Variants in MAPK14 observed in about 807,000 individuals in gnomAD.
The protein encoded by MAPK14 is mitogen-activated protein kinase 14, also known as CSAID-binding protein.
A neutral mutation model predicts 49.6 loss-of-function variants in MAPK14; 16 were observed. That is an observed-to-expected ratio of 0.32 (90% CI 0.22 to 0.49). The LOEUF is 0.49. Among genes scored for constraint, MAPK14 ranks in the 20% least tolerant of loss-of-function variants. The pLI is 0.99. For synonymous variants in MAPK14, 142 were observed against 158.0 expected, an observed-to-expected ratio of 0.90 and a Z score of 0.76; for missense variants, 200 against 441.2, an observed-to-expected ratio of 0.45 and a Z score of 4.90.
At chr6:36,095,486 C>T (rs1025547468) in intron 8 of MAPK14, among the ~76,000 whole-genome samples, 4 of 152,118 alleles carry the variant, frequency 2.6e-5, no homozygotes, top group African/African-American at 9.7e-5. Context: ...ATCACAAGCT[C>T]TTTAGGTCAC....
Position 36,108,750 on chromosome 6 carries a change from C to A in MAPK14, c.*303C>A. ...GGCTCAGGCAGACAAGAGCTGCTGT[C>A]CTTTTAGGAATATGTTCAATGCAAA... On this transcript the variant is annotated 3_prime_UTR_variant, in exon 12 of 12. Transcript: ENST00000229794. 1 of 386,486 alleles carries A rather than the reference C, an allele frequency of 2.6e-6. No homozygotes were observed. Among genetic ancestry groups the A allele is most frequent in the Non-Finnish European group, 4.8e-6 (1 of 207,352 alleles). 23.9% of individuals were successfully genotyped at this position (386,486 alleles called of 1,614,324 possible). A position where few individuals can be genotyped will look rare whatever the true frequency, so the allele number is the denominator to read the frequency against.
Position 36,074,032 on chromosome 6 carries a change from CT to C in MAPK14, c.448-16del, listed in dbSNP as rs753096075. On this transcript the variant is annotated splice_polypyrimidine_tract_variant and intron_variant, in intron 5 of 11. Coordinates refer to ENST00000229794, the MANE Select transcript of MAPK14 (RefSeq NM_139012.3). Reference sequence around the variant, plus strand: ...CATCATAAAGTTGATCCTGTCTTCCCTGTATTTGCTTCCTAGGACCTAAAAC... The same window carrying C: ...CATCATAAAGTTGATCCTGTCTTCCCGTATTTGCTTCCTAGGACCTAAAAC... The C allele has an allele frequency of 6.3e-7, 1 of 1,599,686 alleles. No individual in the cohort carries two copies. Among genetic ancestry groups the C allele is most frequent in the Admixed American group, 1.7e-5 (1 of 59,884 alleles).
rs949109097 is a variant in MAPK14, at chr6:36,028,290, C to T, written c.116+17C>T. On this transcript the variant is annotated intron_variant, in intron 1 of 11. Transcript: ENST00000229794. The surrounding 1 kb of genome is among the most constrained non-coding windows in gnomAD (Gnocchi z 5.1). ...CTCTGTGTGGTGAGTGTCGCTGGGC[C>T]TGGGGCCGCTGTGGGCAGGGTGGCC... is the stretch of plus-strand genomic sequence containing the variant. The T allele has an allele frequency of 6.3e-7, 1 of 1,590,708 alleles. No individual in the cohort carries two copies. The highest frequency in any genetic ancestry group is 8.6e-7 in the Non-Finnish European group (1 of 1,159,358).
At chr6:36,038,000 C>G (rs1029214260) in intron 1 of MAPK14, among the ~76,000 whole-genome samples, 1 of 150,992 alleles carries the variant, frequency 6.6e-6, no homozygotes, top group African/African-American at 2.4e-5. Context: ...AGAGTGATAC[C>G]CTGTCTCCAA....
chr6:36,102,663 A>G lies in MAPK14; in HGVS notation c.841+14A>G. 1 of 1,613,448 alleles carries G rather than the reference A, an allele frequency of 6.2e-7. No homozygotes were observed. Among genetic ancestry groups the G allele is most frequent in the Non-Finnish European group, 8.5e-7 (1 of 1,179,418 alleles). ...CCAATCCCCTGGGTAAGTTGACCATATATCCTCACCTCATGGATATTGAAT... is the reference window on the plus strand; with the variant it reads ...CCAATCCCCTGGGTAAGTTGACCATGTATCCTCACCTCATGGATATTGAAT... On this transcript the variant is annotated intron_variant, in intron 10 of 11. Transcript: ENST00000229794.
Position 36,110,257 on chromosome 6 carries a change from G to A in MAPK14, c.*1810G>A, listed in dbSNP as rs1044529980. 1 of 152,448 alleles carries A rather than the reference G, an allele frequency of 6.6e-6. No individual in the cohort carries two copies. The highest frequency in any genetic ancestry group is 2.4e-5 in the African/African-American group (1 of 41,448). 9.4% of individuals were successfully genotyped at this position (152,448 alleles called of 1,614,324 possible). Reference sequence around the variant, plus strand: ...TGCAGTGATACATGTACTCCAGAGGGACAGGGTGGACCCCCTGAGTCAACT... The same window carrying A: ...TGCAGTGATACATGTACTCCAGAGGAACAGGGTGGACCCCCTGAGTCAACT... On this transcript the variant is annotated 3_prime_UTR_variant, in exon 12 of 12. Coordinates refer to ENST00000229794, the MANE Select transcript of MAPK14 (RefSeq NM_139012.3).
intron 3 of MAPK14, among the ~76,000 whole-genome samples, chr6:36,062,744 G>A (rs978348328): frequency 7.6e-5 from 11 of 144,858 alleles, no homozygotes; most frequent in African/African-American, 2.5e-4. Context: ...TGCAACCTCC[G>A]CCTCCCAGGT....
At chr6:36,038,612 T>C (rs1762839875) in intron 1 of MAPK14, among the ~76,000 whole-genome samples, 1 of 152,170 alleles carries the variant, frequency 6.6e-6, no homozygotes, top group Admixed American at 6.6e-5. Context: ...GTGAATAGGA[T>C]AGAACGGTGG....
At chr6:36,117,166 G>A in the MAPK14 span, among the ~76,000 whole-genome samples, 16 of 152,162 alleles carry the variant, frequency 1.1e-4, no homozygotes, top group African/African-American at 3.9e-4. Flanking sequence ...CAGGCCCCTT[G>A]CCCTCGCTTC....
Position 36,110,314 on chromosome 6 carries a change from G to A in MAPK14, c.*1867G>A, listed in dbSNP as rs61764198. The A allele has an allele frequency of 6.6e-6, 1 of 152,582 alleles. No individual in the cohort carries two copies. The highest frequency in any genetic ancestry group is 1.5e-5 in the Non-Finnish European group (1 of 68,054). 9.5% of individuals were successfully genotyped at this position (152,582 alleles called of 1,614,324 possible). On this transcript the variant is annotated 3_prime_UTR_variant, in exon 12 of 12. Coordinates refer to ENST00000229794, the MANE Select transcript of MAPK14 (RefSeq NM_139012.3). The stretch of plus-strand genomic sequence containing the variant: ...AGAAGGAAGGAGGCAGACTGATGGC[G>A]ATTCCCTCTCACCCGGGACTCTCCC...
rs200421328 is a variant in MAPK14, at chr6:36,052,723, G to A, written c.141G>A (p.Gly47=). 167 of 1,609,848 alleles carry A rather than the reference G, an allele frequency of 1.0e-4. 1 individual carries two copies. The South Asian group carries it at 1.6e-3, about 16-fold the overall frequency. ...SVCAAFDTKT[G]LRVAVKKLSR... is the part of the protein sequence containing the mutation. The stretch of plus-strand genomic sequence containing the variant: ...GTGCTGCTTTTGACACAAAAACGGG[G>A]TTACGTGTGGCAGTGAAGAAGCTCT... Residue 47 remains glycine, a synonymous_variant, in exon 2 of 12, where the codon GGG becomes GGA. Coordinates refer to ENST00000229794, the MANE Select transcript of MAPK14 (RefSeq NM_139012.3).
In MAPK14 at chr6:36,108,812, C is replaced by T. The variant is rs1325952772; in HGVS notation, c.*365C>T. On this transcript the variant is annotated 3_prime_UTR_variant, in exon 12 of 12. Coordinates refer to ENST00000229794, the MANE Select transcript of MAPK14 (RefSeq NM_139012.3). ...TGAATTGTCCCCAATCCCGGTCATGCTTTTGCCACTTTGGCTTCTCCTGTG... is the reference window on the plus strand; with the variant it reads ...TGAATTGTCCCCAATCCCGGTCATGTTTTTGCCACTTTGGCTTCTCCTGTG... 1 of 238,264 alleles carries T rather than the reference C, an allele frequency of 4.2e-6. No homozygotes were observed. The highest frequency in any genetic ancestry group is 5.0e-5 in the South Asian group (1 of 19,892). The allele number at this position is 238,264 out of a possible 1,614,324, so 14.8% of individuals were successfully genotyped here.
intron 3 of MAPK14, among the ~76,000 whole-genome samples, chr6:36,062,976 A>G (rs1221392064): frequency 6.6e-6 from 1 of 152,048 alleles, no homozygotes; most frequent in Non-Finnish European, 1.5e-5. Context: ...GCTTTTAATC[A>G]TGTGATACGT....
chr6:36,070,072 C>G (rs1031162666), intron 3 of MAPK14, among the ~76,000 whole-genome samples: 1 of 152,112 alleles, frequency 6.6e-6, no homozygotes, highest in Non-Finnish European at 1.5e-5. Context: ...AATACAGTAA[C>G]TGTGATTAGG....
intron 3 of MAPK14, among the ~76,000 whole-genome samples, chr6:36,066,006 A>G (rs1764039350): frequency 6.6e-6 from 1 of 152,200 alleles, no homozygotes; most frequent in Non-Finnish European, 1.5e-5. Context: ...TTCAAAAAAC[A>G]GGGTCTTATG....
At chr6:36,115,325 C>A (rs750249829), downstream of MAPK14, among the ~76,000 whole-genome samples, 2 of 152,130 alleles carry the variant, frequency 1.3e-5, no homozygotes, top group Admixed American at 6.5e-5. Context: ...TTAACAAAAA[C>A]CAGTGGTTCT....
intron 1 of MAPK14, among the ~76,000 whole-genome samples, chr6:36,029,939 A>G (rs1581719039): frequency 8.1e-6 from 1 of 123,874 alleles, no homozygotes; most frequent in South Asian, 2.4e-4. Context: ...AGGTATATAC[A>G]TTCAGTATAT....
intron 8 of MAPK14, among the ~76,000 whole-genome samples, chr6:36,080,944 C>G (rs1764733854): frequency 6.6e-6 from 1 of 151,872 alleles, no homozygotes; most frequent in African/African-American, 2.4e-5. Flanking sequence ...TTTTGAGCAT[C>G]TTTTCATCTG....
intron 3 of MAPK14, among the ~76,000 whole-genome samples, chr6:36,064,093 T>TG (rs57518099): frequency 4.0e-5 from 6 of 149,810 alleles, no homozygotes; most frequent in South Asian, 2.1e-4. Flanking sequence ...TGTGTGTGTG[T>TG]TTGTTTTCTT....
Sources: allele counts gnomAD v4.1 joint callset (sites outside exome capture counted in the v4.1 genomes callset), GRCh38; gene constraint gnomAD v4.1.1; non-coding constraint Gnocchi (gnomAD v3.1); transcripts MANE v1.5; gene names NCBI Gene and HGNC (gene_info 2026-07-23, HGNC 2026-07-21).